The following ADAMTSL1 variants were observed in gnomAD, a reference collection of about 807,000 sequenced individuals.
ADAMTSL1 encodes the protein ADAMTS like 1.
ADAMTSL1 carries 126 observed loss-of-function variants against 201.8 expected under a neutral mutation model. The observed-to-expected ratio is 0.62, with a 90% confidence interval of 0.54 to 0.72. ADAMTSL1 has a LOEUF of 0.72. ADAMTSL1 is among the 30% of genes least tolerant of loss of function. ADAMTSL1 has a pLI of 0.00. For synonymous variants in ADAMTSL1, 1,121 were observed against 903.4 expected (o/e 1.24, Z -4.32); for missense variants, 2,679 against 2,277.8 (o/e 1.18, Z -3.59).
intron 15 of ADAMTSL1, among the ~76,000 whole-genome samples, chr9:18,729,872 A>G (rs1323448573): frequency 6.6e-6 from 1 of 152,174 alleles, no homozygotes; most frequent in Non-Finnish European, 1.5e-5. Flanking sequence ...TGTACCAGTT[A>G]TCAACCTCAT....
chr9:18,030,433 G>A (rs57344092), intron 1 of ADAMTSL1, among the ~76,000 whole-genome samples: 23,321 of 151,932 alleles, frequency 0.15, 1,916 homozygotes, highest in East Asian at 0.37. Flanking sequence ...GCATTAGGAG[G>A]TAGATATACC....
intron 2 of ADAMTSL1, among the ~76,000 whole-genome samples, chr9:18,425,346 C>T (rs1819161408): frequency 6.6e-6 from 1 of 152,130 alleles, no homozygotes; most frequent in Admixed American, 6.5e-5. Flanking sequence ...AAAATGCACA[C>T]GTGCAATCTT....
chr9:18,400,724 A>G (rs1282603121), intron 2 of ADAMTSL1, among the ~76,000 whole-genome samples: 1 of 152,152 alleles, frequency 6.6e-6, no homozygotes, highest in Non-Finnish European at 1.5e-5. Flanking sequence ...TTTGGGTTCT[A>G]TACGTTGCAA....
At chr9:17,940,329 A>C (rs1827187121) in intron 1 of ADAMTSL1, among the ~76,000 whole-genome samples, 1 of 152,048 alleles carries the variant, frequency 6.6e-6, no homozygotes, top group Admixed American at 6.6e-5. Flanking sequence ...GGAGAGAGAT[A>C]ATGAGGGCTT....
In ADAMTSL1 at chr9:18,574,276, G is replaced by T. The variant is rs961066885; in HGVS notation, c.474+10G>T. The T allele has an allele frequency of 1.9e-6, 3 of 1,608,540 alleles. No homozygotes were observed. In the African/African-American group the frequency reaches 4.0e-5, roughly 22 times the overall value. ...CAGTGGTTTATGCCAAGTAAGTGCT[G>T]ATTTGTTCTCATTCAACTTGTCCAG... is the stretch of plus-strand genomic sequence containing the variant. On this transcript the variant is annotated intron_variant, in intron 4 of 28. Coordinates refer to ENST00000380548, the MANE Select transcript of ADAMTSL1 (RefSeq NM_001040272.6).
intron 2 of ADAMTSL1, among the ~76,000 whole-genome samples, chr9:18,235,971 G>A (rs11794203): frequency 0.079 from 11,986 of 152,244 alleles, 666 homozygotes; most frequent in African/African-American, 0.15. Flanking sequence ...GCAAGATGAT[G>A]CTTTTGTAGG....
At chr9:18,352,362 A>G (rs1836009669) in intron 2 of ADAMTSL1, among the ~76,000 whole-genome samples, 3 of 152,200 alleles carry the variant, frequency 2.0e-5, no homozygotes, top group Non-Finnish European at 4.4e-5. Context: ...TAGTCTTTGG[A>G]TAAGGATGTT....
chr9:18,688,709 T>TA (rs59652212), intron 13 of ADAMTSL1, among the ~76,000 whole-genome samples: 9 of 96,530 alleles, frequency 9.3e-5, no homozygotes, highest in Non-Finnish European at 1.6e-4. Context: ...TATATATATA[T>TA]GACTGTGACT....
chr9:18,562,816 A>G (rs1357073403), intron 3 of ADAMTSL1, among the ~76,000 whole-genome samples: 1 of 152,038 alleles, frequency 6.6e-6, no homozygotes. Context: ...TTGGCTGTTG[A>G]TGCTTGTGTA....
intron 14 of ADAMTSL1, among the ~76,000 whole-genome samples, chr9:18,713,615 T>A (rs998581853): frequency 2.1e-4 from 32 of 150,714 alleles, no homozygotes; most frequent in African/African-American, 7.8e-4. Context: ...CTGAGTGACC[T>A]ACAAAGAGAC....
Position 18,357,756 on chromosome 9 carries a change from T to C in ADAMTSL1, c.208-147073T>C, listed in dbSNP as rs116621720. 4.0e-3 allele frequency among the ~76,000 whole-genome samples: 605 copies of C among 152,260 alleles called. 4 individuals carry two copies. Among genetic ancestry groups the C allele is most frequent in the African/African-American group, 0.013 (553 of 41,558 alleles). ...AATATATATTTCATTTGTTTTTCCATAACCTAGAATTGGAAAACATGAAAA... is the reference window on the plus strand; with the variant it reads ...AATATATATTTCATTTGTTTTTCCACAACCTAGAATTGGAAAACATGAAAA... On this transcript the variant is annotated intron_variant, in intron 2 of 29. Coordinates refer to the ADAMTSL1 transcript ENST00000680146.
chr9:18,256,118 C>T (rs1233042420), intron 2 of ADAMTSL1, among the ~76,000 whole-genome samples: 3 of 152,158 alleles, frequency 2.0e-5, no homozygotes, highest in Non-Finnish European at 2.9e-5. Context: ...TGACATAATG[C>T]TTCTCTGAGC....
chr9:18,445,798 A>G (rs1356217638), intron 2 of ADAMTSL1, among the ~76,000 whole-genome samples: 1 of 152,142 alleles, frequency 6.6e-6, no homozygotes, highest in Non-Finnish European at 1.5e-5. Flanking sequence ...TAAAACCTAC[A>G]TTTAATCTTT....
intron 2 of ADAMTSL1, among the ~76,000 whole-genome samples, chr9:18,182,284 A>G (rs936290890): frequency 1.3e-5 from 2 of 151,308 alleles, no homozygotes; most frequent in Admixed American, 6.6e-5. Flanking sequence ...AACTTAAAGT[A>G]TAAAAAAAAA....
At chr9:18,712,928 G>C (rs10811017) in intron 14 of ADAMTSL1, among the ~76,000 whole-genome samples, 114,685 of 145,572 alleles carry the variant, frequency 0.79, 45,831 homozygotes, top group Admixed American at 0.87. Context: ...AGCCAGAAGA[G>C]AGTGGGGGCC....
intron 2 of ADAMTSL1, among the ~76,000 whole-genome samples, chr9:18,248,345 TA>T (rs1444031033): frequency 2.6e-5 from 4 of 152,098 alleles, no homozygotes; most frequent in African/African-American, 9.7e-5. Flanking sequence ...ACGCGGTATG[TA>T]AAAAGCTTGG....
chr9:18,429,775 C>A (rs574044686), intron 2 of ADAMTSL1, among the ~76,000 whole-genome samples: 14 of 151,626 alleles, frequency 9.2e-5, no homozygotes, highest in African/African-American at 2.9e-4. Flanking sequence ...GATAGTAATA[C>A]GTTTTGATTT....
At chr9:18,389,526 A>G (rs1487339506) in intron 2 of ADAMTSL1, among the ~76,000 whole-genome samples, 1 of 152,178 alleles carries the variant, frequency 6.6e-6, no homozygotes, top group Non-Finnish European at 1.5e-5. Context: ...TAGTGCAGCT[A>G]GTTGTGTTGT....
intron 23 of ADAMTSL1, among the ~76,000 whole-genome samples, chr9:18,881,257 T>G (rs1588297452): frequency 6.6e-6 from 1 of 152,250 alleles, no homozygotes; most frequent in East Asian, 1.9e-4. Flanking sequence ...CTTGGCTGTT[T>G]GGAGCAAGAG....
Sources: gnomAD v4.1 joint callset for allele counts (sites outside exome capture counted in the v4.1 genomes callset) on GRCh38, gnomAD v4.1.1 for gene constraint, MANE v1.5 for transcripts, NCBI Gene and HGNC (gene_info 2026-07-23, HGNC 2026-07-21) for gene names.